The following MTMR8 variants were observed in gnomAD, a reference collection of about 807,000 sequenced individuals.
MTMR8 encodes the protein myotubularin related protein 8.
In MTMR8, 65 loss-of-function variants were observed where a neutral mutation model predicts 39.3. That is an observed-to-expected ratio of 1.65 (90% CI 1.35 to 2.03). The LOEUF (loss-of-function observed/expected upper bound fraction) is 2.03, where lower values mean the gene tolerates loss of function less well. Among genes scored for constraint, MTMR8 ranks in the 30% most tolerant of loss-of-function variants. The pLI, the probability that MTMR8 is intolerant of heterozygous loss-of-function variation, is 0.00. For missense variants in MTMR8, 777 were observed against 538.9 expected (o/e 1.44, Z -4.37); for synonymous variants, 245 against 185.2 (o/e 1.32, Z -2.62).
chrX:64,348,655 G>T lies in MTMR8; in HGVS notation c.732+5C>A. 1 of 1,209,509 alleles carries T rather than the reference G, an allele frequency of 8.3e-7. No individual in the cohort carries two copies. The highest frequency in any genetic ancestry group is 1.1e-6 in the Non-Finnish European group (1 of 894,181). Reference sequence around the variant, plus strand: ...ATATCAAAGAAATCACTGAGAAATAGATACCTTTGGTCTTGTGTCTACAAC... The same window carrying T: ...ATATCAAAGAAATCACTGAGAAATATATACCTTTGGTCTTGTGTCTACAAC... On this transcript the variant is annotated splice_donor_5th_base_variant and intron_variant, in intron 6 of 13. Transcript: ENST00000374852.
chrX:64,286,639 G>T (rs1225822705), intron 12 of MTMR8, among the ~76,000 whole-genome samples: 4 of 111,863 alleles, frequency 3.6e-5, no homozygotes, highest in Non-Finnish European at 7.5e-5. Context: ...TTATCCCTGG[G>T]ATGCAAGGCT....
chrX:64,279,372 A>C (rs1931954132), intron 12 of MTMR8, among the ~76,000 whole-genome samples: 1 of 112,227 alleles, frequency 8.9e-6, no homozygotes, highest in Admixed American at 9.4e-5. Context: ...TGAAAGCTTT[A>C]CCTTTAAGAT....
At position 64,352,481 on chromosome X, in the gene MTMR8, A is replaced by G. The variant is rs541772373; in HGVS notation, c.468+2296T>C. Among the ~76,000 whole-genome samples, 63 of 111,631 alleles carry G rather than the reference A, an allele frequency of 5.6e-4. 1 individual carries two copies. The highest frequency in any genetic ancestry group is 9.2e-3 in the Middle Eastern group (2 of 218). ...CTTCAACACATTCCCAGATGTCCATATTTGGCCCAGAGCTCTTTCTTGAGA... is the reference window on the plus strand; with the variant it reads ...CTTCAACACATTCCCAGATGTCCATGTTTGGCCCAGAGCTCTTTCTTGAGA... On this transcript the variant is annotated intron_variant, in intron 4 of 13. Coordinates refer to ENST00000374852, the MANE Select transcript of MTMR8 (RefSeq NM_017677.4).
chrX:64,328,817 G>A lies in MTMR8; in HGVS notation c.1436C>T (p.Thr479Ile). 2 of 1,201,231 alleles carry A rather than the reference G, an allele frequency of 1.7e-6. No individual in the cohort carries two copies. Among genetic ancestry groups the A allele is most frequent in the Non-Finnish European group, 1.1e-6 (1 of 891,015 alleles). The part of the protein sequence containing the change: ...DFRNPLYKGF[T>I]MYGVLNPSTV... The stretch of plus-strand genomic sequence containing the variant: ...ACTAGGATTGAGTACCCCATACATA[G>A]TGAAGCCTTTATAGAGAGGGTTCCT... The change falls in exon 12 of 14, where the codon ACT (threonine) becomes ATT (isoleucine). Residue 479 changes from threonine to isoleucine, a missense_variant. By Grantham distance (89) the Thr-to-Ile change is moderately conservative. Coordinates refer to ENST00000374852, the MANE Select transcript of MTMR8 (RefSeq NM_017677.4).
At chrX:64,382,747 A>G (rs1395460061) in intron 1 of MTMR8, among the ~76,000 whole-genome samples, 2 of 111,618 alleles carry the variant, frequency 1.8e-5, no homozygotes, top group African/African-American at 6.5e-5. Flanking sequence ...GGTTTGTCAT[A>G]GATAGCTCTT....
intron 12 of MTMR8, among the ~76,000 whole-genome samples, chrX:64,323,358 C>A (rs2147217454): frequency 8.9e-6 from 1 of 111,872 alleles, no homozygotes; most frequent in South Asian, 3.7e-4. Flanking sequence ...GTCATTTCCA[C>A]AAGATGATAC....
chrX:64,272,433 AAGACTAAGC>A (rs1931782089), intron 12 of MTMR8, among the ~76,000 whole-genome samples: 1 of 111,347 alleles, frequency 9.0e-6, no homozygotes, highest in Non-Finnish European at 1.9e-5. Flanking sequence ...AAGCAGAAAA[AAGACTAAGC>A]AGACTCAAAC....
At chrX:64,300,937 G>C (rs1179881761) in intron 12 of MTMR8, among the ~76,000 whole-genome samples, 1 of 109,663 alleles carries the variant, frequency 9.1e-6, no homozygotes, top group Non-Finnish European at 1.9e-5. Context: ...GGTTTCTGCC[G>C]AGAGATCCGC....
At chrX:64,358,985 C>T (rs1923703157) in intron 2 of MTMR8, among the ~76,000 whole-genome samples, 1 of 109,830 alleles carries the variant, frequency 9.1e-6, no homozygotes, top group Non-Finnish European at 1.9e-5. Context: ...TAACCTGAGC[C>T]CTTTTTAGAA....
intron 10 of MTMR8, among the ~76,000 whole-genome samples, chrX:64,335,458 A>G (rs1923049963): frequency 8.9e-6 from 1 of 112,238 alleles, no homozygotes; most frequent in Non-Finnish European, 1.9e-5. Context: ...TTGCCTTTGG[A>G]ATCAGCTTAG....
chrX:64,301,309 CA>C (rs1198998709), intron 12 of MTMR8, among the ~76,000 whole-genome samples: 1 of 106,970 alleles, frequency 9.3e-6, no homozygotes, highest in East Asian at 2.9e-4. Context: ...CTTCCCTTCT[CA>C]CTTCATTTCA....
At chrX:64,347,807 T>A (rs1602141328) in intron 6 of MTMR8, among the ~76,000 whole-genome samples, 1 of 112,513 alleles carries the variant, frequency 8.9e-6, no homozygotes, top group East Asian at 2.8e-4. Flanking sequence ...TGAGTTCTTC[T>A]ACAGCCCATA....
At chrX:64,310,503 T>A (rs1037055929) in intron 12 of MTMR8, among the ~76,000 whole-genome samples, 1 of 112,081 alleles carries the variant, frequency 8.9e-6, no homozygotes, top group Non-Finnish European at 1.9e-5. Context: ...AATATTCTTT[T>A]TTTTAGAAAA....
In MTMR8 at chrX:64,356,214, T is replaced by A; in HGVS notation, c.272A>T (p.His91Leu). 1 of 1,208,757 alleles carries A rather than the reference T, an allele frequency of 8.3e-7. No individual in the cohort carries two copies. Among genetic ancestry groups the A allele is most frequent in the South Asian group, 1.8e-5 (1 of 56,337 alleles). The change falls in exon 3 of 14, where the codon CAT (histidine) becomes CTT (leucine). Residue 91 changes from histidine to leucine, a missense_variant. His to Leu is a moderately conservative substitution (Grantham distance 99). Transcript: ENST00000374852. ...HFVLDSDLVC[H>L]EVYISLLKLS... ...CTTGAGCAGTGAAATATAAACCTCA[T>A]GGCACACAAGGTCAGAATCTAAAAC...
At chrX:64,317,763 C>T (rs778498410) in intron 12 of MTMR8, among the ~76,000 whole-genome samples, 76 of 112,182 alleles carry the variant, frequency 6.8e-4, no homozygotes, top group African/African-American at 2.0e-3. Context: ...GCTGTTTTAG[C>T]AGGCTTACTA....
chrX:64,310,695 C>G (rs989830088), intron 12 of MTMR8, among the ~76,000 whole-genome samples: 1 of 110,132 alleles, frequency 9.1e-6, no homozygotes, highest in Non-Finnish European at 1.9e-5. Context: ...GTTCCTTACC[C>G]TGTGTCCAAG....
At chrX:64,312,899 C>A (rs1050940905) in intron 12 of MTMR8, among the ~76,000 whole-genome samples, 2 of 112,551 alleles carry the variant, frequency 1.8e-5, no homozygotes, top group African/African-American at 3.2e-5. Context: ...CTGCACAGTG[C>A]ACCTCAACAG....
intron 1 of MTMR8, among the ~76,000 whole-genome samples, chrX:64,380,662 T>A (rs1471795557): frequency 8.9e-6 from 1 of 112,383 alleles, no homozygotes; most frequent in Non-Finnish European, 1.9e-5. Context: ...GTTACATATG[T>A]ATACATGTGC....
At chrX:64,279,452 A>G (rs1931955627) in intron 12 of MTMR8, among the ~76,000 whole-genome samples, 1 of 112,147 alleles carries the variant, frequency 8.9e-6, no homozygotes, top group South Asian at 3.7e-4. Context: ...TAAACAATAA[A>G]CTACAAAATA....
Sources: gnomAD v4.1 joint callset for allele counts (sites outside exome capture counted in the v4.1 genomes callset) on GRCh38, gnomAD v4.1.1 for gene constraint, MANE v1.5 for transcripts, NCBI Gene and HGNC (gene_info 2026-07-23, HGNC 2026-07-21) for gene names.